Variants in AP1M1 observed in about 807,000 individuals in gnomAD.
The protein encoded by AP1M1 is AP-1 complex subunit mu-1.
AP1M1 carries 18 observed loss-of-function variants against 57.1 expected under a neutral mutation model. The ratio of observed to expected loss-of-function variants is 0.32; its 90% CI spans 0.22 to 0.47. The LOEUF (loss-of-function observed/expected upper bound fraction) is 0.47. Among genes scored for constraint, AP1M1 ranks in the 20% least tolerant of loss-of-function variants. The probability of loss-of-function intolerance (pLI) is 1.00; values close to 1 mark genes in which losing one functional copy is unlikely to be tolerated. For synonymous variants in AP1M1, 241 were observed against 237.9 expected (o/e 1.01, Z -0.12); for missense variants, 362 against 593.5 (o/e 0.61, Z 4.05).
chr19:16,223,300 T>C (rs1403057145), intron 5 of AP1M1, among the ~76,000 whole-genome samples: 1 of 152,180 alleles, frequency 6.6e-6, no homozygotes, highest in Non-Finnish European at 1.5e-5. Context: ...TCAAACTCTT[T>C]CGTAAGTCAA....
chr19:16,231,908 C>T (rs966896892), intron 9 of AP1M1, among the ~76,000 whole-genome samples: 2 of 152,210 alleles, frequency 1.3e-5, no homozygotes, highest in Admixed American at 1.3e-4. Flanking sequence ...CCTGTCCCTA[C>T]TGCTGTCTGT....
At position 16,206,020 on chromosome 19, in the gene AP1M1, G is replaced by A. The variant is rs2091468002; in HGVS notation, c.200-321G>A. Among the ~76,000 whole-genome samples, 1 of 152,082 alleles carries A rather than the reference G, an allele frequency of 6.6e-6. No homozygotes were observed. Among genetic ancestry groups the A allele is most frequent in the South Asian group, 2.1e-4 (1 of 4,828 alleles). ...GTGTCCTGCTTTCTGCTCCTGGAAT[G>A]AGCCTCACTCCCTCCCTGCTCAAGG... On this transcript the variant is annotated intron_variant, in intron 2 of 11. Transcript: ENST00000291439. This position sits in a 1 kb window ranked among gnomAD's most constrained non-coding sequence, Gnocchi z 4.3.
chr19:16,230,868 G>A (rs1404472265), intron 9 of AP1M1, among the ~76,000 whole-genome samples: 1 of 151,958 alleles, frequency 6.6e-6, no homozygotes, highest in Non-Finnish European at 1.5e-5. Context: ...ATGGAAAAAA[G>A]GTAATTCCTA....
At chr19:16,226,837 C>G in intron 6 of AP1M1, 1 of 312,386 alleles carries the variant, frequency 3.2e-6, no homozygotes, top group Non-Finnish European at 6.0e-6. Context: ...GGGGCCTAGG[C>G]TAAGGCCTTG....
chr19:16,209,394 G>A (rs549858281), intron 5 of AP1M1: 101 of 463,604 alleles, frequency 2.2e-4, no homozygotes, highest in African/African-American at 1.6e-3. Context: ...GTGGTGACAC[G>A]ATCTCGGCTC....
rs533953027 is a variant in AP1M1 at position 16,234,737 on chromosome 19, C to T, written c.*302C>T. The T allele has an allele frequency of 2.4e-4, 115 of 480,266 alleles. 2 individuals are homozygous for T. In the South Asian group the frequency reaches 3.8e-3, roughly 16 times the overall value. The allele number at this position is 480,266 out of a possible 1,614,324, so 29.8% of individuals were successfully genotyped here. ...TTACAGCCTTTTATGCTGTTGAGCTCCCAGGTACCAAAAAGCTTGGCCAAC... is the reference window on the plus strand; with the variant it reads ...TTACAGCCTTTTATGCTGTTGAGCTTCCAGGTACCAAAAAGCTTGGCCAAC... On this transcript the variant is annotated 3_prime_UTR_variant, in exon 12 of 12. Transcript: ENST00000291439.
Position 16,240,774 on chromosome 19 carries a change from C to G in AP1M1, c.*6339C>G, listed in dbSNP as rs1338080322. 6.6e-6 allele frequency: 1 copy of G among 152,036 alleles called. No individual in the cohort carries two copies. Among genetic ancestry groups the G allele is most frequent in the Non-Finnish European group, 1.5e-5 (1 of 68,028 alleles). The allele number at this position is 152,036 out of a possible 1,614,324, so 9.4% of individuals were successfully genotyped here. ...CTGAAAATCTTGAAATTTTAAGATCCAGGAAACCGTTGAGTCCAAAGCATG... is the reference window on the plus strand; with the variant it reads ...CTGAAAATCTTGAAATTTTAAGATCGAGGAAACCGTTGAGTCCAAAGCATG... On this transcript the variant is annotated 3_prime_UTR_variant, in exon 12 of 12. Coordinates refer to ENST00000291439, the MANE Select transcript of AP1M1 (RefSeq NM_032493.4).
At chr19:16,209,336 A>G (rs1327221855) in intron 5 of AP1M1, 159 bp downstream of exon 5, 10 of 810,942 alleles carry the variant, frequency 1.2e-5, no homozygotes, top group Non-Finnish European at 1.9e-5. Context: ...AGTTTGTCTT[A>G]TCTTTTTTTT....
At chr19:16,208,493 TAAG>T (rs2091479667) in intron 4 of AP1M1, among the ~76,000 whole-genome samples, 1 of 152,168 alleles carries the variant, frequency 6.6e-6, no homozygotes, top group Non-Finnish European at 1.5e-5. Flanking sequence ...GCCCTTCAGA[TAAG>T]AAGCAATGTG....
chr19:16,233,392 G>A, intron 9 of AP1M1, 101 bp from the exon 10 acceptor site: 1 of 1,412,624 alleles, frequency 7.1e-7, no homozygotes. Flanking sequence ...TCCCTGGACT[G>A]GGGTGAGTGG....
Position 16,198,067 on chromosome 19 carries a change from AG to A in AP1M1, c.42+1del. ...GTCTACGTGCTGGACCTGAAGGGCA[AG>A]GTACTGAGGGCTCCCCACCCTCCCT... ...SAVYVLDLKG[K>X]VLICRNYRGD... On this transcript the variant is annotated frameshift_variant and splice_region_variant, in exon 1 of 12. Transcript: ENST00000291439. LOFTEE classifies it high-confidence loss of function. 1 of 1,600,344 alleles carries A rather than the reference AG, an allele frequency of 6.2e-7. No homozygotes were observed. The highest frequency in any genetic ancestry group is 1.1e-5 in the South Asian group (1 of 89,824).
chr19:16,198,094 G>T (rs2091431852), intron 1 of AP1M1, 26 bp downstream of exon 1: 2 of 1,594,530 alleles, frequency 1.3e-6, no homozygotes, highest in African/African-American at 2.8e-5. Context: ...CACCCTCCCT[G>T]TTGCCAGGCA....
chr19:16,219,816 G>C (rs565395720), intron 5 of AP1M1, among the ~76,000 whole-genome samples: 31 of 152,230 alleles, frequency 2.0e-4, no homozygotes, highest in Non-Finnish European at 4.0e-4. Context: ...CCTGTCACAT[G>C]AAGTTGGGTA....
rs2091644880 is a variant in AP1M1 at position 16,241,330 on chromosome 19, TAAA to T, written c.*6898_*6900del. The T allele has an allele frequency of 6.8e-6, 1 of 146,924 alleles. No homozygotes were observed. Among genetic ancestry groups the T allele is most frequent in the Admixed American group, 6.8e-5 (1 of 14,740 alleles). The allele number at this position is 146,924 out of a possible 1,614,324, so 9.1% of individuals were successfully genotyped here. ...GTCTCAAAAAAAAAAAAAGACAAGA[TAAA>T]AACAATTTATCAATAACAGATTCCC... On this transcript the variant is annotated 3_prime_UTR_variant, in exon 12 of 12. Transcript: ENST00000291439.
At position 16,227,751 on chromosome 19, in the gene AP1M1, A is replaced by T; in HGVS notation, c.816+61A>T. On this transcript the variant is annotated intron_variant, in intron 7 of 11. Transcript: ENST00000291439. This position sits in a 1 kb window ranked among gnomAD's most constrained non-coding sequence, Gnocchi z 6.2. ...ACTCCTCCTCCCCTTCACCTCCAGGAGGTGAAGCCCAGGCAGGCGCCAGGG... is the reference window on the plus strand; with the variant it reads ...ACTCCTCCTCCCCTTCACCTCCAGGTGGTGAAGCCCAGGCAGGCGCCAGGG... 6.3e-7 allele frequency: 1 copy of T among 1,581,678 alleles called. No individual in the cohort carries two copies. Among genetic ancestry groups the T allele is most frequent in the Non-Finnish European group, 8.6e-7 (1 of 1,159,474 alleles).
At chr19:16,234,004 C>A in intron 10 of AP1M1, 195 bp from the exon 11 acceptor site, 1 of 605,770 alleles carries the variant, frequency 1.7e-6, no homozygotes, top group Non-Finnish European at 2.8e-6. Context: ...GGCTGCTCAC[C>A]ACTTCCAGAG....
At chr19:16,223,253 A>G (rs954338235) in intron 5 of AP1M1, among the ~76,000 whole-genome samples, 7 of 152,164 alleles carry the variant, frequency 4.6e-5, no homozygotes, top group African/African-American at 1.4e-4. Flanking sequence ...TGCACTGCCC[A>G]GTGGTCATTC....
At position 16,207,892 on chromosome 19, in the gene AP1M1, G is replaced by A. The variant is rs1599454372; in HGVS notation, c.268-127G>A. ...GTCCAGGGCCCTGTAGCACACCACC[G>A]AGCCTGGGAAGTAGGCTGTTGGTAG... On this transcript the variant is annotated intron_variant, in intron 3 of 11. Coordinates refer to ENST00000291439, the MANE Select transcript of AP1M1 (RefSeq NM_032493.4). The surrounding 1 kb of genome is among the most constrained non-coding windows in gnomAD (Gnocchi z 4.2). The A allele has an allele frequency of 1.0e-5, 13 of 1,278,736 alleles. No homozygotes were observed. The highest frequency in any genetic ancestry group is 2.2e-5 in the Admixed American group (1 of 46,510). 79.2% of individuals were successfully genotyped at this position (1,278,736 alleles called of 1,614,324 possible). A position where few individuals can be genotyped will look rare whatever the true frequency, so the allele number is the denominator to read the frequency against.
intron 2 of AP1M1, among the ~76,000 whole-genome samples, chr19:16,205,374 A>G (rs1417480633): frequency 6.6e-6 from 1 of 152,172 alleles, no homozygotes; most frequent in Admixed American, 6.5e-5. Context: ...AGAGGCACCC[A>G]TGAGAAGGTG....
Sources: gnomAD v4.1 joint callset for allele counts (sites outside exome capture counted in the v4.1 genomes callset) on GRCh38, gnomAD v4.1.1 for gene constraint, Gnocchi (gnomAD v3.1) non-coding constraint, MANE v1.5 for transcripts, NCBI Gene and HGNC (gene_info 2026-07-23, HGNC 2026-07-21) for gene names.